Variants in DHX30 observed in about 807,000 individuals in gnomAD.
DHX30 encodes ATP-dependent RNA helicase DHX30.
Under a neutral mutation model 116.9 loss-of-function variants are expected in DHX30, and 4 were observed. The ratio of observed to expected loss-of-function variants is 0.03; its 90% CI spans 0.02 to 0.08. The LOEUF (loss-of-function observed/expected upper bound fraction) is 0.08, where lower values mean the gene tolerates loss of function less well. DHX30 is among the 10% of genes least tolerant of loss of function. The probability of loss-of-function intolerance (pLI) is 1.00; values close to 1 mark genes in which losing one functional copy is unlikely to be tolerated. For synonymous variants in DHX30, 697 were observed against 651.7 expected, an observed-to-expected ratio of 1.07 and a Z score of -1.06; for missense variants, 871 against 1,595.1, an observed-to-expected ratio of 0.55 and a Z score of 7.73.
intron 2 of DHX30, among the ~76,000 whole-genome samples, 183 bp from the exon 3 acceptor site, chr3:47,810,474 A>G (rs554754683): frequency 1.3e-5 from 2 of 152,342 alleles, no homozygotes; most frequent in South Asian, 2.1e-4. Flanking sequence ...AGCAAAGACA[A>G]TTACTCTAGA....
At chr3:47,807,768 A>T (rs1389705572) in intron 2 of DHX30, among the ~76,000 whole-genome samples, 2 of 147,410 alleles carry the variant, frequency 1.4e-5, no homozygotes, top group African/African-American at 2.5e-5. Flanking sequence ...TAACTTACAA[A>T]TTTTTTTTTT....
intron 4 of DHX30, among the ~76,000 whole-genome samples, chr3:47,823,991 T>G (rs1266517364): frequency 6.6e-6 from 1 of 150,464 alleles, no homozygotes; most frequent in Non-Finnish European, 1.5e-5. Context: ...TACCATTTTC[T>G]TTTCCTTTTT....
Position 47,817,813 on chromosome 3 carries a change from G to A in DHX30, c.29-209G>A, listed in dbSNP as rs549346738. On this transcript the variant is annotated intron_variant, in intron 3 of 21. Transcript: ENST00000445061. ...GAAGAGTTTGAGGGCTCTCTCTAAG[G>A]CTGTCACATATCACATCATATGAGA... Among the ~76,000 whole-genome samples the A allele has an allele frequency of 1.2e-4, 18 of 152,256 alleles. No individual in the cohort carries two copies. In the South Asian group the frequency reaches 3.7e-3, roughly 32 times the overall value.
At position 47,846,397 on chromosome 3, in the gene DHX30, C is replaced by A. The variant is rs1294217709; in HGVS notation, c.1325C>A (p.Thr442Asn). 2 of 1,614,124 alleles carry A rather than the reference C, an allele frequency of 1.2e-6. No homozygotes were observed. Among genetic ancestry groups the A allele is most frequent in the Non-Finnish European group, 1.7e-6 (2 of 1,180,044 alleles). Reference protein sequence around the residue: ...PQLPVDPHRDTILNAIEQHPV... With the variant: ...PQLPVDPHRDNILNAIEQHPV... ...CTACCTGTGGACCCACATCGGGACACCATCCTCAACGCCATTGAGCAGCAC... is the reference window on the plus strand; with the variant it reads ...CTACCTGTGGACCCACATCGGGACAACATCCTCAACGCCATTGAGCAGCAC... The change falls in exon 11 of 22, where the codon ACC (threonine) becomes AAC (asparagine). Residue 442 changes from threonine to asparagine, a missense_variant. This residue lies in a region of DHX30 where 175 missense variants were observed against 292.9 expected (regional missense o/e 0.60). Transcript: ENST00000445061.
At chr3:47,826,922 C>G (rs2036578472) in intron 4 of DHX30, among the ~76,000 whole-genome samples, 1 of 152,124 alleles carries the variant, frequency 6.6e-6, no homozygotes, top group Admixed American at 6.5e-5. Flanking sequence ...TTAGGAAGAG[C>G]CTTGCATTGT....
chr3:47,806,024 C>T (rs2035498395), intron 2 of DHX30, among the ~76,000 whole-genome samples: 1 of 152,088 alleles, frequency 6.6e-6, no homozygotes, highest in South Asian at 2.1e-4. Context: ...GACAGTCTTG[C>T]CCTGTCGCCC....
chr3:47,812,754 C>A (rs1433940581), intron 3 of DHX30, among the ~76,000 whole-genome samples: 1 of 150,212 alleles, frequency 6.7e-6, no homozygotes, highest in Admixed American at 6.6e-5. Context: ...ACCTCTGCCT[C>A]CCGGGTTCAA....
At chr3:47,816,885 G>T in intron 3 of DHX30, 1 of 982,956 alleles carries the variant, frequency 1.0e-6, no homozygotes, top group Non-Finnish European at 1.2e-6. Flanking sequence ...CTACCACCTT[G>T]ATTCTCTATA....
intron 6 of DHX30, among the ~76,000 whole-genome samples, chr3:47,839,988 T>C (rs1305355065): frequency 1.5e-5 from 2 of 137,508 alleles, no homozygotes; most frequent in African/African-American, 2.6e-5. Flanking sequence ...TACGTATTTT[T>C]TTTTCTTTTC....
At position 47,821,391 on chromosome 3, in the gene DHX30, G is replaced by A. The variant is rs1056738413; in HGVS notation, c.124+3274G>A. Among the ~76,000 whole-genome samples the A allele has an allele frequency of 5.3e-5, 8 of 152,156 alleles. No homozygotes were observed. In the South Asian group the frequency reaches 8.3e-4, roughly 16 times the overall value. ...AGTGATTCTCTTGCCCCAGCCCCCC[G>A]AGTACCGGGGAATACAGGCATGTGC... On this transcript the variant is annotated intron_variant, in intron 4 of 21. Transcript: ENST00000445061.
intron 4 of DHX30, chr3:47,826,195 G>C (rs565559619): frequency 6.6e-6 from 1 of 152,350 alleles, no homozygotes; most frequent in Non-Finnish European, 1.5e-5. Flanking sequence ...GCTGCCAGAG[G>C]CTAGAGTGGA....
intron 3 of DHX30, among the ~76,000 whole-genome samples, chr3:47,814,816 G>A (rs1025259853): frequency 2.0e-5 from 3 of 152,046 alleles, no homozygotes; most frequent in African/African-American, 4.8e-5. Context: ...CACCACGCCC[G>A]GCCGTTTTTT....
intron 8 of DHX30, chr3:47,842,826 G>A (rs1476972031): frequency 3.0e-6 from 1 of 333,704 alleles, no homozygotes; most frequent in Non-Finnish European, 5.5e-6. Context: ...CGATGTTGCC[G>A]AGATGACAGT....
chr3:47,835,204 G>A (rs962890953), intron 6 of DHX30, among the ~76,000 whole-genome samples: 2 of 133,500 alleles, frequency 1.5e-5, no homozygotes, highest in South Asian at 2.4e-4. Context: ...ATGGAGGTTC[G>A]CTCTTATTGC....
chr3:47,850,134 TG>T lies in DHX30; in HGVS notation c.*18del. The T allele has an allele frequency of 6.3e-7, 1 of 1,576,222 alleles. No homozygotes were observed. Among genetic ancestry groups the T allele is most frequent in the Non-Finnish European group, 8.6e-7 (1 of 1,164,170 alleles). ...GCTGACGACTGAGCCCTGCTTCTGC[TG>T]GGGCTGTGTACAGAGTGCAAATGTT... On this transcript the variant is annotated 3_prime_UTR_variant, in exon 22 of 22. Transcript: ENST00000445061.
intron 3 of DHX30, among the ~76,000 whole-genome samples, chr3:47,813,569 G>A (rs1252897147): frequency 6.6e-6 from 1 of 152,208 alleles, no homozygotes; most frequent in African/African-American, 2.4e-5. Context: ...GAAGAGTAAA[G>A]GGCCTGTAGC....
intron 1 of DHX30, among the ~76,000 whole-genome samples, chr3:47,803,995 A>C (rs534571619): frequency 2.6e-5 from 4 of 152,318 alleles, no homozygotes; most frequent in Admixed American, 2.0e-4. Context: ...GGCCACTTAC[A>C]GGCTTTCAAC....
intron 3 of DHX30, among the ~76,000 whole-genome samples, chr3:47,811,440 G>A (rs558059526): frequency 4.5e-4 from 69 of 152,242 alleles, no homozygotes; most frequent in Non-Finnish European, 9.1e-4. Flanking sequence ...GCCAGGGCCT[G>A]TTGTGTGCTT....
At chr3:47,822,158 GAGA>G (rs1413981992) in intron 4 of DHX30, 5 of 152,212 alleles carry the variant, frequency 3.3e-5, no homozygotes, top group Admixed American at 6.5e-5. Context: ...GACCAGTGAG[GAGA>G]AGAACACAGA....
Sources: allele counts gnomAD v4.1 joint callset (sites outside exome capture counted in the v4.1 genomes callset), GRCh38; gene constraint gnomAD v4.1.1; regional missense constraint gnomAD v4.1.1; transcripts MANE v1.5; gene names NCBI Gene and HGNC (gene_info 2026-07-23, HGNC 2026-07-21).